PCDH15: variants seen among roughly 807,000 people sequenced by gnomAD.
PCDH15 encodes the protein protocadherin related 15, also known as protocadherin-15.
A neutral mutation model predicts 178.5 loss-of-function variants in PCDH15; 129 were observed. The observed-to-expected ratio is 0.72, with a 90% CI of 0.63 to 0.84. PCDH15 has a LOEUF of 0.84. Among genes scored for constraint, PCDH15 ranks in the 40% least tolerant of loss-of-function variants. PCDH15 has a pLI of 0.00. For synonymous variants in PCDH15, 800 were observed against 732.0 expected, an observed-to-expected ratio of 1.09 and a Z score of -1.50; for missense variants, 2,230 against 2,099.9, an observed-to-expected ratio of 1.06 and a Z score of -1.21.
At chr10:55,305,024 C>A (rs1375493060) in intron 1 of PCDH15, among the ~76,000 whole-genome samples, 1 of 152,066 alleles carries the variant, frequency 6.6e-6, no homozygotes, top group Non-Finnish European at 1.5e-5. Context: ...TCATAGTATT[C>A]CAGAAGAAGT....
intron 9 of PCDH15, among the ~76,000 whole-genome samples, chr10:54,228,620 T>A (rs1398293796): frequency 6.6e-6 from 1 of 152,168 alleles, no homozygotes; most frequent in African/African-American, 2.4e-5. Flanking sequence ...TTGGTATAAG[T>A]CTCAGAATCT....
chr10:55,079,714 G>A (rs892621440), intron 2 of PCDH15, among the ~76,000 whole-genome samples: 5 of 152,262 alleles, frequency 3.3e-5, no homozygotes, highest in South Asian at 4.1e-4. Context: ...AACAGTGAAC[G>A]TTTGTGTTGG....
intron 2 of PCDH15, among the ~76,000 whole-genome samples, chr10:54,955,687 C>T (rs576663495): frequency 6.6e-6 from 1 of 151,302 alleles, no homozygotes; most frequent in Non-Finnish European, 1.5e-5. Context: ...AATATAATTT[C>T]ATAGGTCAAT....
At chr10:54,587,323 A>AT (rs201742801) in intron 2 of PCDH15, among the ~76,000 whole-genome samples, 2,581 of 152,318 alleles carry the variant, frequency 0.017, 72 homozygotes, top group African/African-American at 0.058. Context: ...AAAGTACAAC[A>AT]TAAAGTAAAA....
chr10:55,591,905 C>T (rs549478317), intron 2 of PCDH15, among the ~76,000 whole-genome samples: 2 of 152,092 alleles, frequency 1.3e-5, no homozygotes, highest in East Asian at 1.9e-4. Flanking sequence ...AATACACATA[C>T]GTTATATATA....
chr10:54,883,521 A>C (rs2131808407), intron 3 of PCDH15, among the ~76,000 whole-genome samples: 1 of 152,084 alleles, frequency 6.6e-6, no homozygotes, highest in Admixed American at 6.6e-5. Context: ...TTCAAGCTTT[A>C]TACTTAGGTA....
chr10:55,342,803 T>C (rs1276664574), intron 2 of PCDH15, among the ~76,000 whole-genome samples: 1 of 152,144 alleles, frequency 6.6e-6, no homozygotes, highest in Admixed American at 6.6e-5. Context: ...GAGGGCACAT[T>C]TCTGGAGACT....
chr10:55,107,319 T>C (rs1837374035), intron 2 of PCDH15, among the ~76,000 whole-genome samples: 1 of 152,114 alleles, frequency 6.6e-6, no homozygotes, highest in Non-Finnish European at 1.5e-5. Flanking sequence ...TCAATGGCCA[T>C]AAGTTGGATG....
chr10:55,433,474 G>C (rs1838942276), intron 2 of PCDH15, among the ~76,000 whole-genome samples: 1 of 152,120 alleles, frequency 6.6e-6, no homozygotes, highest in African/African-American at 2.4e-5. Context: ...TGGGTACTAT[G>C]CTTATTACCT....
chr10:54,814,294 G>A (rs563539359), intron 3 of PCDH15, among the ~76,000 whole-genome samples: 1 of 152,230 alleles, frequency 6.6e-6, no homozygotes, highest in African/African-American at 2.4e-5. Flanking sequence ...CTGGCACAGA[G>A]CAAATAATGG....
At chr10:54,598,578 C>G (rs1590378948) in intron 2 of PCDH15, among the ~76,000 whole-genome samples, 1 of 152,098 alleles carries the variant, frequency 6.6e-6, no homozygotes, top group African/African-American at 2.4e-5. Context: ...AAAATGATTT[C>G]TCCACTTGCT....
At chr10:54,887,833 C>A (rs1049221034) in intron 3 of PCDH15, among the ~76,000 whole-genome samples, 2 of 152,034 alleles carry the variant, frequency 1.3e-5, no homozygotes, top group Admixed American at 6.6e-5. Context: ...ATATTCCAGA[C>A]AAAATGATAA....
At chr10:54,698,647 T>C (rs2095266860) in intron 1 of PCDH15, among the ~76,000 whole-genome samples, 1 of 152,146 alleles carries the variant, frequency 6.6e-6, no homozygotes, top group Non-Finnish European at 1.5e-5. Flanking sequence ...ACCTTTTTAA[T>C]TCTCTATTTT....
intron 2 of PCDH15, among the ~76,000 whole-genome samples, chr10:55,338,575 T>G (rs1391671010): frequency 6.6e-6 from 1 of 152,020 alleles, no homozygotes; most frequent in Non-Finnish European, 1.5e-5. Flanking sequence ...CAAGACCAGC[T>G]TGGCCAACAT....
intron 2 of PCDH15, among the ~76,000 whole-genome samples, chr10:55,327,785 A>G (rs533133242): frequency 6.6e-6 from 1 of 152,212 alleles, no homozygotes; most frequent in South Asian, 2.1e-4. Context: ...AACTAAAGCC[A>G]TGATATGAAT....
chr10:53,878,872 A>G (rs1411585297), intron 26 of PCDH15, among the ~76,000 whole-genome samples: 2 of 152,174 alleles, frequency 1.3e-5, no homozygotes, highest in African/African-American at 4.8e-5. Context: ...ACCACTTATT[A>G]GATACATGAG....
intron 2 of PCDH15, among the ~76,000 whole-genome samples, chr10:55,443,843 A>G (rs1320498391): frequency 6.6e-6 from 1 of 152,218 alleles, no homozygotes; most frequent in African/African-American, 2.4e-5. Context: ...ATGTATGTTT[A>G]TTGCAGTGCT....
intron 1 of PCDH15, among the ~76,000 whole-genome samples, chr10:54,753,883 T>C (rs867145694): frequency 0.012 from 566 of 48,332 alleles, 2 homozygotes; most frequent in Non-Finnish European, 0.013. Context: ...GTTGTTTTTT[T>C]GTTTGTTTGT....
chr10:54,354,803 G>A (rs1944710383), intron 5 of PCDH15, among the ~76,000 whole-genome samples: 1 of 152,102 alleles, frequency 6.6e-6, no homozygotes, highest in Admixed American at 6.6e-5. Flanking sequence ...AATACTGTCT[G>A]TGCTTTTAGA....
Sources: allele counts gnomAD v4.1 joint callset (sites outside exome capture counted in the v4.1 genomes callset), GRCh38; gene constraint gnomAD v4.1.1; transcripts MANE v1.5; gene names NCBI Gene and HGNC (gene_info 2026-07-23, HGNC 2026-07-21).